Variants in UNC13C observed in about 807,000 individuals in gnomAD.
The protein encoded by UNC13C is protein unc-13 homolog C.
In UNC13C, 174 loss-of-function variants were observed where a neutral mutation model predicts 245.4. The ratio of observed to expected loss-of-function variants is 0.71; its 90% confidence interval spans 0.63 to 0.80. The LOEUF (loss-of-function observed/expected upper bound fraction) is 0.80, where lower values mean the gene tolerates loss of function less well. Among genes scored for constraint, UNC13C ranks in the 30% least tolerant of loss-of-function variants. UNC13C has a pLI of 0.00. For synonymous variants in UNC13C, 992 were observed against 895.1 expected (o/e 1.11, Z -1.93); for missense variants, 2,829 against 2,602.9 (o/e 1.09, Z -1.89).
chr15:53,899,928 G>T, the UNC13C span, among the ~76,000 whole-genome samples: 2 of 152,038 alleles, frequency 1.3e-5, no homozygotes, highest in Non-Finnish European at 2.9e-5. Flanking sequence ...CATGGTTCAA[G>T]TCCCATCTCC....
At chr15:54,079,603 T>G (rs1898827780) in intron 2 of UNC13C, among the ~76,000 whole-genome samples, 1 of 152,088 alleles carries the variant, frequency 6.6e-6, no homozygotes, top group African/African-American at 2.4e-5. Flanking sequence ...TTTCATTTGG[T>G]TCTCAGCTTG....
At chr15:53,876,845 A>G in the UNC13C span, among the ~76,000 whole-genome samples, 1 of 152,214 alleles carries the variant, frequency 6.6e-6, no homozygotes, top group Non-Finnish European at 1.5e-5. Flanking sequence ...GATGAATAAG[A>G]TAAAGAAGGC....
chr15:54,263,719 C>T (rs1192580853), intron 8 of UNC13C, among the ~76,000 whole-genome samples: 4 of 152,060 alleles, frequency 2.6e-5, no homozygotes, highest in African/African-American at 7.2e-5. Flanking sequence ...TAATGTTTAG[C>T]AAATAACAGT....
Position 54,054,487 on chromosome 15 carries a change from C to T in UNC13C, c.2983+38601C>T, listed in dbSNP as rs183519667. Among the ~76,000 whole-genome samples, 564 of 152,250 alleles carry T rather than the reference C, an allele frequency of 3.7e-3. 3 individuals carry two copies. Among genetic ancestry groups the T allele is most frequent in the Admixed American group, 7.5e-3 (114 of 15,290 alleles). ...GTGAATAGAATTAAATGTTATGAAT[C>T]TAGAATTTTATACTGTAAAAACATG... On this transcript the variant is annotated intron_variant, in intron 2 of 32. Coordinates refer to ENST00000260323, the MANE Select transcript of UNC13C (RefSeq NM_001080534.3).
chr15:54,215,921 G>T (rs561512154), intron 4 of UNC13C, among the ~76,000 whole-genome samples: 1 of 151,968 alleles, frequency 6.6e-6, no homozygotes, highest in African/African-American at 2.4e-5. Flanking sequence ...GATAGATGCA[G>T]CCATTTTGTC....
chr15:54,499,879 G>C (rs776031270), intron 20 of UNC13C, among the ~76,000 whole-genome samples, 200 bp from the exon 21 acceptor site: 1 of 152,216 alleles, frequency 6.6e-6, no homozygotes, highest in South Asian at 2.1e-4. Flanking sequence ...AACCAAGACG[G>C]GGGTAGAGGT....
intron 19 of UNC13C, among the ~76,000 whole-genome samples, chr15:54,446,198 T>C (rs1890802592): frequency 6.6e-6 from 1 of 152,228 alleles, no homozygotes; most frequent in African/African-American, 2.4e-5. Context: ...TACTATAGCC[T>C]TGTAGTATAG....
the UNC13C span, among the ~76,000 whole-genome samples, chr15:53,942,727 G>C: frequency 6.6e-6 from 1 of 152,156 alleles, no homozygotes; most frequent in Non-Finnish European, 1.5e-5. Flanking sequence ...GCAGTGGCGA[G>C]ATCTTGGCTC....
At chr15:54,510,398 A>C (rs1235650939) in intron 23 of UNC13C, among the ~76,000 whole-genome samples, 2 of 151,986 alleles carry the variant, frequency 1.3e-5, no homozygotes, top group Non-Finnish European at 2.9e-5. Flanking sequence ...ATGTGGCCCT[A>C]CTCACTATGG....
chr15:53,981,688 CG>C (rs1893933563), intron 1 of UNC13C, among the ~76,000 whole-genome samples: 1 of 152,042 alleles, frequency 6.6e-6, no homozygotes, highest in Non-Finnish European at 1.5e-5. Flanking sequence ...GACTGATCAC[CG>C]GTTCTATAAT....
chr15:54,016,526 AG>A (rs1411654603), intron 2 of UNC13C, among the ~76,000 whole-genome samples: 2 of 152,222 alleles, frequency 1.3e-5, no homozygotes, highest in African/African-American at 4.8e-5. Context: ...AGAAGAGATC[AG>A]TAAGGGGATA....
chr15:54,050,083 C>T (rs1897210804), intron 2 of UNC13C: 1 of 326,642 alleles, frequency 3.1e-6, no homozygotes. Flanking sequence ...AATTCTCCTG[C>T]CTCAGCCTCC....
the UNC13C span, among the ~76,000 whole-genome samples, chr15:53,907,724 G>T: frequency 1.1e-3 from 131 of 114,532 alleles, 9 homozygotes; most frequent in South Asian, 4.5e-3. Flanking sequence ...ATTATCTAAA[G>T]AATTATTCAG....
At chr15:54,142,047 A>G (rs1053702973) in intron 2 of UNC13C, among the ~76,000 whole-genome samples, 5 of 152,206 alleles carry the variant, frequency 3.3e-5, no homozygotes, top group African/African-American at 9.6e-5. Flanking sequence ...CATTTTGCCA[A>G]CTTGTATCCA....
intron 1 of UNC13C, among the ~76,000 whole-genome samples, chr15:54,012,242 A>G (rs757417619): frequency 6.6e-6 from 1 of 152,286 alleles, no homozygotes; most frequent in East Asian, 1.9e-4. Context: ...AATATCTTGG[A>G]TGTGAGGGGA....
At chr15:54,541,765 G>C (rs985107981) in intron 26 of UNC13C, among the ~76,000 whole-genome samples, 2 of 152,108 alleles carry the variant, frequency 1.3e-5, no homozygotes, top group Non-Finnish European at 2.9e-5. Flanking sequence ...ACAAATGCTA[G>C]ATAATGTTAC....
intron 17 of UNC13C, among the ~76,000 whole-genome samples, chr15:54,386,926 A>T (rs1230160140): frequency 3.9e-5 from 6 of 152,108 alleles, no homozygotes; most frequent in African/African-American, 1.4e-4. Context: ...ACTTAGAGAA[A>T]TTCTCTTTCT....
chr15:54,582,504 A>C (rs986116095), intron 30 of UNC13C, among the ~76,000 whole-genome samples: 1 of 152,336 alleles, frequency 6.6e-6, no homozygotes, highest in Middle Eastern at 3.4e-3. Flanking sequence ...GGAAGGGCGC[A>C]CAGTGAGAGA....
At chr15:54,192,099 C>T (rs771730853) in intron 4 of UNC13C, among the ~76,000 whole-genome samples, 9 of 152,102 alleles carry the variant, frequency 5.9e-5, no homozygotes, top group Non-Finnish European at 1.2e-4. Context: ...GTGTTTTATT[C>T]ATGGAGTCTT....
Sources: gnomAD v4.1 joint callset for allele counts (sites outside exome capture counted in the v4.1 genomes callset) on GRCh38, gnomAD v4.1.1 for gene constraint, MANE v1.5 for transcripts, NCBI Gene and HGNC (gene_info 2026-07-23, HGNC 2026-07-21) for gene names.